The following PCDHGA9 variants were observed in gnomAD, a reference collection of about 807,000 sequenced individuals.
The protein encoded by PCDHGA9 is protocadherin gamma-A9.
In PCDHGA9, 37 loss-of-function variants were observed where a neutral mutation model predicts 62.5. The observed-to-expected ratio is 0.59, with a 90% confidence interval of 0.46 to 0.78. The LOEUF (loss-of-function observed/expected upper bound fraction) is 0.78. Ranked by LOEUF, PCDHGA9 falls within the 30% of genes least tolerant of loss-of-function variation. The probability of loss-of-function intolerance (pLI) is 0.00; values close to 1 mark genes in which losing one functional copy is unlikely to be tolerated. For missense variants in PCDHGA9, 1,138 were observed against 1,166.2 expected, an observed-to-expected ratio of 0.98 and a Z score of 0.35; for synonymous variants, 459 against 484.6, an observed-to-expected ratio of 0.95 and a Z score of 0.69.
Position 141,403,197 on chromosome 5 carries a change from G to T in PCDHGA9, c.245G>T (p.Gly82Val). ...TQLFSLNPRSGTLVTAGRIDR... is the reference protein window; with the variant it reads ...TQLFSLNPRSVTLVTAGRIDR... Reference sequence around the variant, plus strand: ...CTTTTCTCTCTGAACCCGCGCAGCGGCACCTTGGTCACCGCGGGTAGGATA... The same window carrying T: ...CTTTTCTCTCTGAACCCGCGCAGCGTCACCTTGGTCACCGCGGGTAGGATA... Residue 82 changes from glycine (G) to valine (V), a missense_variant, in exon 1 of 4, where the codon GGC becomes GTC. Coordinates refer to ENST00000573521, the MANE Select transcript of PCDHGA9 (RefSeq NM_018921.3). 1 of 1,613,986 alleles carries T rather than the reference G, an allele frequency of 6.2e-7. No individual in the cohort carries two copies. The highest frequency in any genetic ancestry group is 8.5e-7 in the Non-Finnish European group (1 of 1,179,920).
chr5:141,442,317 A>T (rs1257883989), intron 1 of PCDHGA9: 2 of 152,400 alleles, frequency 1.3e-5, no homozygotes, highest in Admixed American at 6.5e-5. Context: ...ACGGATGTCT[A>T]TCCCGCGCTA....
At chr5:141,409,984 GGACGCC>G (rs2095344357) in intron 1 of PCDHGA9, 1 of 1,613,210 alleles carries the variant, frequency 6.2e-7, no homozygotes, top group Admixed American at 1.7e-5. Context: ...TGGTAGCGGT[GGACGCC>G]GACTCGGGAC....
intron 1 of PCDHGA9, among the ~76,000 whole-genome samples, chr5:141,446,453 A>T (rs2098502702): frequency 6.6e-6 from 1 of 151,946 alleles, no homozygotes; most frequent in Non-Finnish European, 1.5e-5. Context: ...GCAGATATTC[A>T]GTGTGTGATT....
chr5:141,409,644 TG>T, intron 1 of PCDHGA9: 1 of 1,613,700 alleles, frequency 6.2e-7, no homozygotes, highest in Non-Finnish European at 8.5e-7. Flanking sequence ...GACCCGGATT[TG>T]GGGCTCAATG....
chr5:141,487,404 C>A lies in PCDHGA9; in HGVS notation c.2425-7403C>A, dbSNP rs771371344. 1.2e-6 allele frequency: 2 copies of A among 1,614,178 alleles called. No homozygotes were observed. Among genetic ancestry groups the A allele is most frequent in the Non-Finnish European group, 1.7e-6 (2 of 1,180,032 alleles). ...AGATCTCGAAGGAGGGAGGGGCTTC[C>A]CCCTTCCAATGGGATCCTCCGAATC... is the stretch of plus-strand genomic sequence containing the variant. On this transcript the variant is annotated intron_variant, in intron 1 of 3. Coordinates refer to ENST00000573521, the MANE Select transcript of PCDHGA9 (RefSeq NM_018921.3). The surrounding 1 kb of genome is among the most constrained non-coding windows in gnomAD (Gnocchi z 5.0).
At chr5:141,470,862 G>T (rs1363111218) in intron 1 of PCDHGA9, among the ~76,000 whole-genome samples, 1 of 151,596 alleles carries the variant, frequency 6.6e-6, no homozygotes, top group Non-Finnish European at 1.5e-5. Context: ...TAAGTTTTTT[G>T]TTTGTTTGTT....
At chr5:141,450,516 C>T (rs150995579) in intron 1 of PCDHGA9, among the ~76,000 whole-genome samples, 2,020 of 152,024 alleles carry the variant, frequency 0.013, 56 homozygotes, top group African/African-American at 0.046. Context: ...GATGGAGTCT[C>T]ATTCTTGTCA....
rs1436956912 is a variant in PCDHGA9, at chr5:141,438,609, TATATATATATATATATATATATATATAC to T, written c.2424+33235_2424+33262del. Reference sequence around the variant, plus strand: ...ATACATACATATATATATATATATATATATATATATATATATATATATATATACACACACACACACACATATATGTATA... The same window carrying T: ...ATACATACATATATATATATATATATACACACACACACACATATATGTATA... On this transcript the variant is annotated intron_variant, in intron 1 of 3. Coordinates refer to ENST00000573521, the MANE Select transcript of PCDHGA9 (RefSeq NM_018921.3). Among the ~76,000 whole-genome samples the T allele has an allele frequency of 2.2e-3, 92 of 41,082 alleles. 2 individuals are homozygous for T. Among genetic ancestry groups the T allele is most frequent in the East Asian group, 7.4e-3 (6 of 810 alleles). The allele number at this position is 41,082 out of a possible 152,430, so 27.0% of individuals were successfully genotyped here.
rs149553852 is a variant in PCDHGA9 at position 141,415,009 on chromosome 5, C to T, written c.2424+9633C>T. On this transcript the variant is annotated intron_variant, in intron 1 of 3. Coordinates refer to ENST00000573521, the MANE Select transcript of PCDHGA9 (RefSeq NM_018921.3). ...CCAGAACGCCTGGCTGTCCTACCGT[C>T]TGCTCAAGGCCAGCGAGCCGGGACT... 1.9e-3 allele frequency: 3,040 copies of T among 1,613,658 alleles called. 49 individuals are homozygous for T. In the African/African-American group the frequency reaches 0.033, roughly 18 times the overall value.
In PCDHGA9 at chr5:141,434,915, T is replaced by A. The variant is rs1301814716; in HGVS notation, c.2424+29539T>A. Among the ~76,000 whole-genome samples, 3 of 151,830 alleles carry A rather than the reference T, an allele frequency of 2.0e-5. No homozygotes were observed. The East Asian group carries it at 5.8e-4, about 29-fold the overall frequency. ...GTCCCCTTCCCTCATACCTTATTTATGTACATATATTTTATATAATAGATA... is the reference window on the plus strand; with the variant it reads ...GTCCCCTTCCCTCATACCTTATTTAAGTACATATATTTTATATAATAGATA... On this transcript the variant is annotated intron_variant, in intron 1 of 3. Transcript: ENST00000573521.
At chr5:141,455,225 C>CA (rs2098817003) in intron 1 of PCDHGA9, among the ~76,000 whole-genome samples, 2 of 151,666 alleles carry the variant, frequency 1.3e-5, no homozygotes, top group South Asian at 2.1e-4. Context: ...AATGCTTTGA[C>CA]AAAAAATGTT....
chr5:141,422,330 C>A, intron 1 of PCDHGA9: 1 of 1,548,166 alleles, frequency 6.5e-7, no homozygotes. Flanking sequence ...ACAGTGATTG[C>A]TCTTCTAAAT....
At chr5:141,422,181 G>A in intron 1 of PCDHGA9, 3 of 1,561,316 alleles carry the variant, frequency 1.9e-6, no homozygotes, top group Non-Finnish European at 2.6e-6. Flanking sequence ...TCTATGAGAT[G>A]GAAATTCAAG....
At chr5:141,422,942 G>A (rs199976232) in intron 1 of PCDHGA9, 5 of 1,614,096 alleles carry the variant, frequency 3.1e-6, no homozygotes, top group Non-Finnish European at 4.2e-6. Flanking sequence ...CCCACAGACG[G>A]CTCCACTGGC....
intron 1 of PCDHGA9, among the ~76,000 whole-genome samples, chr5:141,464,397 C>T (rs1352852782): frequency 1.3e-5 from 2 of 150,158 alleles, no homozygotes; most frequent in Non-Finnish European, 3.0e-5. Context: ...TAATGAAGAA[C>T]CTGAGATATA....
intron 1 of PCDHGA9, among the ~76,000 whole-genome samples, chr5:141,458,338 G>A (rs1160200932): frequency 2.6e-5 from 4 of 152,134 alleles, no homozygotes; most frequent in African/African-American, 9.7e-5. Context: ...GTTTTAAGGA[G>A]TGGAGAGTTT....
At chr5:141,459,632 A>G (rs1202000974) in intron 1 of PCDHGA9, among the ~76,000 whole-genome samples, 1 of 152,214 alleles carries the variant, frequency 6.6e-6, no homozygotes, top group East Asian at 1.9e-4. Flanking sequence ...AAGCTGCCAA[A>G]CTATTTTTCA....
At chr5:141,427,803 G>A (rs781324396) in intron 1 of PCDHGA9, 2 of 1,511,804 alleles carry the variant, frequency 1.3e-6, no homozygotes, top group Admixed American at 1.7e-5. Context: ...GTCCGTGAGC[G>A]CACAGAGCGG....
chr5:141,412,976 A>C (rs2095594590), intron 1 of PCDHGA9: 1 of 535,900 alleles, frequency 1.9e-6, no homozygotes. Context: ...GAGAAAACGC[A>C]GCCAGAGCTC....
Sources: allele counts gnomAD v4.1 joint callset (sites outside exome capture counted in the v4.1 genomes callset), GRCh38; gene constraint gnomAD v4.1.1; non-coding constraint Gnocchi (gnomAD v3.1); transcripts MANE v1.5; gene names NCBI Gene and HGNC (gene_info 2026-07-23, HGNC 2026-07-21).